The following SYNE1 variants were observed in gnomAD, a reference collection of about 807,000 sequenced individuals.
SYNE1 encodes the protein spectrin repeat containing nuclear envelope protein 1.
Under a neutral mutation model 1,111.0 loss-of-function variants are expected in SYNE1, and 616 were observed. That is an observed-to-expected ratio of 0.55 (90% CI 0.52 to 0.59). The LOEUF is 0.59. SYNE1 is among the 20% of genes least tolerant of loss of function. The pLI, the probability that SYNE1 is intolerant of heterozygous loss-of-function variation, is 0.00. For synonymous variants in SYNE1, 3,855 were observed against 3,825.8 expected (o/e 1.01, Z -0.28); for missense variants, 10,006 against 10,417.0 (o/e 0.96, Z 1.72).
At chr6:152,390,202 G>C (rs2097585847) in intron 53 of SYNE1, 78 bp downstream of exon 53, 12 of 1,518,536 alleles carry the variant, frequency 7.9e-6, no homozygotes, top group African/African-American at 1.4e-5. Context: ...TTCCACCCCA[G>C]GAGACCTCAG....
At chr6:152,572,889 A>G (rs1265618964) in intron 3 of SYNE1, among the ~76,000 whole-genome samples, 1 of 152,174 alleles carries the variant, frequency 6.6e-6, no homozygotes. Context: ...AGCATACAAA[A>G]ACAAATCAGC....
chr6:152,147,497 C>T (rs2059719310), intron 137 of SYNE1: 1 of 152,906 alleles, frequency 6.5e-6, no homozygotes, highest in Non-Finnish European at 1.5e-5. Flanking sequence ...CCACTTTGTC[C>T]ATTCCATGCC....
chr6:152,204,415 G>C (rs1245462217), intron 126 of SYNE1, among the ~76,000 whole-genome samples: 1 of 150,802 alleles, frequency 6.6e-6, no homozygotes, highest in East Asian at 1.9e-4. Flanking sequence ...AAAAAGATCA[G>C]CTTCTTACTT....
At chr6:152,444,701 CTG>C (rs2098561377) in intron 29 of SYNE1, 123 bp from the exon 30 acceptor site, 2 of 852,176 alleles carry the variant, frequency 2.3e-6, no homozygotes, top group African/African-American at 3.4e-5. Context: ...TACTACGTGA[CTG>C]TGAAATGATT....
chr6:152,145,623 A>G lies in SYNE1; in HGVS notation c.24977-1858T>C. On this transcript the variant is annotated intron_variant, in intron 137 of 145. Transcript: ENST00000367255. ...AACCCTGAATCCCTTGTGCAGGAAA[A>G]TAACTTTCCTAGGGGAAAAAAAGGA... is the stretch of plus-strand genomic sequence containing the variant. 2.1e-6 allele frequency: 3 copies of G among 1,420,964 alleles called. No individual in the cohort carries two copies. The Admixed American group carries it at 5.0e-5, about 24-fold the overall frequency. 88.0% of individuals were successfully genotyped at this position (1,420,964 alleles called of 1,614,324 possible).
intron 21 of SYNE1, among the ~76,000 whole-genome samples, chr6:152,459,621 C>T (rs1002438756): frequency 6.6e-6 from 1 of 152,146 alleles, no homozygotes; most frequent in African/African-American, 2.4e-5. Flanking sequence ...TATAGACCTG[C>T]ATTGTCTTAA....
At chr6:152,396,295 A>G (rs1563685304) in intron 50 of SYNE1, among the ~76,000 whole-genome samples, 2 of 152,190 alleles carry the variant, frequency 1.3e-5, no homozygotes, top group Non-Finnish European at 2.9e-5. Context: ...TCAGAAAGAC[A>G]ATTTGATTCT....
chr6:152,334,649 A>G (rs1396524069), intron 76 of SYNE1, among the ~76,000 whole-genome samples: 3 of 152,216 alleles, frequency 2.0e-5, no homozygotes, highest in African/African-American at 7.2e-5. Context: ...TTCAAAATTT[A>G]TTCTTAAACT....
intron 130 of SYNE1, among the ~76,000 whole-genome samples, chr6:152,166,600 T>C (rs1228509722): frequency 1.3e-5 from 2 of 152,200 alleles, no homozygotes; most frequent in Middle Eastern, 3.2e-3. Context: ...TCGAATGAGT[T>C]CCAAGTCAGA....
chr6:152,345,740 A>G (rs1258485740), intron 73 of SYNE1, among the ~76,000 whole-genome samples: 1 of 152,202 alleles, frequency 6.6e-6, no homozygotes, highest in Non-Finnish European at 1.5e-5. Context: ...AGGCTTATAA[A>G]AACTCTTTTT....
intron 135 of SYNE1, 88 bp from the exon 136 acceptor site, chr6:152,149,756 T>C: frequency 8.4e-7 from 1 of 1,187,056 alleles, no homozygotes; most frequent in East Asian, 2.4e-5. Context: ...TCTCATTACA[T>C]TAAAAAAGAC....
At chr6:152,437,841 C>G (rs532613010) in intron 32 of SYNE1, among the ~76,000 whole-genome samples, 1 of 152,190 alleles carries the variant, frequency 6.6e-6, no homozygotes, top group African/African-American at 2.4e-5. Flanking sequence ...AAGAGCATCT[C>G]CTAGAACATA....
intron 10 of SYNE1, among the ~76,000 whole-genome samples, chr6:152,499,037 T>C (rs937379070): frequency 6.6e-6 from 1 of 152,142 alleles, no homozygotes; most frequent in Admixed American, 6.5e-5. Flanking sequence ...TATGTAGCTA[T>C]ATATTTTGTA....
chr6:152,472,543 C>CACCA, intron 14 of SYNE1, 130 bp from the exon 15 acceptor site: 1 of 842,070 alleles, frequency 1.2e-6, no homozygotes, highest in Non-Finnish European at 2.0e-6. Context: ...CATTCAGAGG[C>CACCA]AGCTTGGTGC....
At chr6:152,358,862 T>C (rs889063207) in intron 65 of SYNE1, among the ~76,000 whole-genome samples, 1 of 152,232 alleles carries the variant, frequency 6.6e-6, no homozygotes, top group African/African-American at 2.4e-5. Context: ...GAAATTCTTA[T>C]ATTGTGCCTT....
chr6:152,521,948 T>C (rs1193810440), intron 5 of SYNE1, among the ~76,000 whole-genome samples: 3 of 152,132 alleles, frequency 2.0e-5, no homozygotes, highest in Admixed American at 6.6e-5. Context: ...TATTCACCCA[T>C]GTTTTCTAAG....
At chr6:152,287,938 T>C (rs1051722348) in intron 95 of SYNE1, among the ~76,000 whole-genome samples, 8 of 152,232 alleles carry the variant, frequency 5.3e-5, no homozygotes, top group African/African-American at 1.9e-4. Context: ...CAGACTGATA[T>C]TGTTTATTAT....
intron 3 of SYNE1, among the ~76,000 whole-genome samples, chr6:152,587,760 G>A (rs2128482456): frequency 6.6e-6 from 1 of 152,324 alleles, no homozygotes; most frequent in East Asian, 1.9e-4. Context: ...TGTGGTGGCA[G>A]GCAGCATTAT....
intron 44 of SYNE1, 129 bp from the exon 45 acceptor site, chr6:152,407,325 T>C (rs2097915782): frequency 4.4e-6 from 4 of 910,058 alleles, no homozygotes; most frequent in Non-Finnish European, 6.9e-6. Flanking sequence ...ACAAAAATTA[T>C]TGTAATCTAA....
Sources: gnomAD v4.1 joint callset for allele counts (sites outside exome capture counted in the v4.1 genomes callset) on GRCh38, gnomAD v4.1.1 for gene constraint, MANE v1.5 for transcripts, NCBI Gene and HGNC (gene_info 2026-07-23, HGNC 2026-07-21) for gene names.